Variants in PEAK1 observed in about 807,000 individuals in gnomAD.
PEAK1 encodes pseudopodium enriched atypical kinase 1.
In PEAK1, 54 loss-of-function variants were observed where a neutral mutation model predicts 124.7. The ratio of observed to expected loss-of-function variants is 0.43; its 90% CI spans 0.35 to 0.54. PEAK1 has a LOEUF of 0.54. PEAK1 is among the 20% of genes least tolerant of loss of function. The pLI is 0.01. For synonymous variants in PEAK1, 719 were observed against 760.0 expected (o/e 0.95, Z 0.89); for missense variants, 2,046 against 2,134.5 (o/e 0.96, Z 0.82).
At chr15:77,278,981 C>T (rs2062503288) in intron 5 of PEAK1, among the ~76,000 whole-genome samples, 3 of 151,806 alleles carry the variant, frequency 2.0e-5, no homozygotes, top group Non-Finnish European at 4.4e-5. Context: ...TAGACACACG[C>T]CACCACAACT....
At chr15:77,257,794 T>C (rs1195849667) in intron 5 of PEAK1, among the ~76,000 whole-genome samples, 1 of 150,214 alleles carries the variant, frequency 6.7e-6, no homozygotes, top group Non-Finnish European at 1.5e-5. Flanking sequence ...AGACATGAAG[T>C]CCTTGCCTGT....
At chr15:77,208,635 A>G (rs1317954693) in intron 6 of PEAK1, among the ~76,000 whole-genome samples, 2 of 152,220 alleles carry the variant, frequency 1.3e-5, no homozygotes, top group Non-Finnish European at 2.9e-5. Flanking sequence ...TAGGGAAAAA[A>G]CACCATTCTT....
intron 5 of PEAK1, chr15:77,255,419 T>G: frequency 1.0e-6 from 1 of 969,060 alleles, no homozygotes; most frequent in Non-Finnish European, 1.2e-6. Flanking sequence ...AAAGTTCTTC[T>G]CTCCCTGCAT....
intron 6 of PEAK1, among the ~76,000 whole-genome samples, chr15:77,212,151 C>A: frequency 6.6e-6 from 1 of 151,978 alleles, no homozygotes; most frequent in East Asian, 1.9e-4. Context: ...TTTTCATTTC[C>A]ATTTTATAGA....
At chr15:77,216,963 G>A (rs1596662549) in intron 6 of PEAK1, among the ~76,000 whole-genome samples, 2 of 152,158 alleles carry the variant, frequency 1.3e-5, no homozygotes, top group South Asian at 4.2e-4. Context: ...GGCAGGGTGC[G>A]GGGGCTCACA....
intron 6 of PEAK1, among the ~76,000 whole-genome samples, chr15:77,202,632 T>C (rs562022273): frequency 6.6e-6 from 1 of 150,684 alleles, no homozygotes; most frequent in East Asian, 2.0e-4. Flanking sequence ...TAGCTGGGCA[T>C]GGTGGTAGGT....
Sources: allele counts gnomAD v4.1 joint callset (sites outside exome capture counted in the v4.1 genomes callset), GRCh38; gene constraint gnomAD v4.1.1; transcripts MANE v1.5; gene names NCBI Gene and HGNC (gene_info 2026-07-23, HGNC 2026-07-21).